The following WIPF1 variants were observed in gnomAD, a reference collection of about 807,000 sequenced individuals.
WIPF1 encodes WAS/WASL-interacting protein family member 1.
WIPF1 carries 13 observed loss-of-function variants against 35.4 expected under a neutral mutation model. That is an observed-to-expected ratio of 0.37 (90% CI 0.24 to 0.58). WIPF1 has a LOEUF of 0.58. Ranked by LOEUF, WIPF1 falls within the 20% of genes least tolerant of loss-of-function variation. WIPF1 has a pLI of 0.74. For synonymous variants in WIPF1, 267 were observed against 266.3 expected, an observed-to-expected ratio of 1.00 and a Z score of -0.02; for missense variants, 591 against 667.0, an observed-to-expected ratio of 0.89 and a Z score of 1.25.
chr2:174,635,815 A>C (rs1687171577), intron 1 of WIPF1, among the ~76,000 whole-genome samples: 1 of 152,156 alleles, frequency 6.6e-6, no homozygotes, highest in South Asian at 2.1e-4. Flanking sequence ...TGAAAATATT[A>C]CCCTATAATT....
intron 3 of WIPF1, among the ~76,000 whole-genome samples, chr2:174,577,763 C>CA (rs893457496): frequency 6.6e-6 from 1 of 152,006 alleles, no homozygotes; most frequent in African/African-American, 2.4e-5. Flanking sequence ...CCCATCTCTA[C>CA]AAAAAATGAG....
intron 1 of WIPF1, among the ~76,000 whole-genome samples, chr2:174,595,140 A>ATATATATATATATATATATATAT (rs1260140362): frequency 7.8e-6 from 1 of 128,552 alleles, no homozygotes; most frequent in Non-Finnish European, 1.6e-5. Flanking sequence ...ATATATATAT[A>ATATATATATATATATATATATAT]ATTAACTGGG....
In WIPF1 at chr2:174,625,340, C is replaced by T. The variant is rs527497399; in HGVS notation, c.-38-39729G>A. Among the ~76,000 whole-genome samples the T allele has an allele frequency of 9.2e-5, 14 of 152,320 alleles. No homozygotes were observed. In the East Asian group the frequency reaches 2.7e-3, roughly 29 times the overall value. On this transcript the variant is annotated intron_variant, in intron 1 of 8. Coordinates refer to the WIPF1 transcript ENST00000272746. ...TTCCTCAGCTTTCTGAATGAGGTCTCAGGTTTTAGGCTTATCACAAAGGAG... is the reference window on the plus strand; with the variant it reads ...TTCCTCAGCTTTCTGAATGAGGTCTTAGGTTTTAGGCTTATCACAAAGGAG...
At chr2:174,681,526 GA>G (rs1327950835) in intron 1 of WIPF1, among the ~76,000 whole-genome samples, 1 of 152,170 alleles carries the variant, frequency 6.6e-6, no homozygotes, top group Non-Finnish European at 1.5e-5. Context: ...TTTGAAGATG[GA>G]AAAATCTACC....
At chr2:174,627,312 T>C (rs1368888630) in intron 1 of WIPF1, among the ~76,000 whole-genome samples, 2 of 152,206 alleles carry the variant, frequency 1.3e-5, no homozygotes, top group African/African-American at 4.8e-5. Context: ...TAAATAAATC[T>C]GAATTAAGGG....
At position 174,567,893 on chromosome 2, in the gene WIPF1, A is replaced by G; in HGVS notation, c.1310T>C (p.Ile437Thr). The change falls in exon 6 of 8, where the codon ATT (isoleucine) becomes ACT (threonine). Residue 437 changes from isoleucine (I) to threonine (T), a missense_variant. Coordinates refer to ENST00000679041, the MANE Select transcript of WIPF1 (RefSeq NM_001375834.1). ...TGGAGAGTCTTGGAAGCCATTTCTA[A>G]TAGATGTTGATGGTGGAGGTGGGGG... ...APPPPPPSTS[I>T]RNGFQDSPCE... The G allele has an allele frequency of 6.2e-7, 1 of 1,608,450 alleles. No individual in the cohort carries two copies. Among genetic ancestry groups the G allele is most frequent in the Non-Finnish European group, 8.5e-7 (1 of 1,176,978 alleles).
chr2:174,649,929 G>A (rs903578864), intron 1 of WIPF1, among the ~76,000 whole-genome samples: 1 of 152,184 alleles, frequency 6.6e-6, no homozygotes, highest in African/African-American at 2.4e-5. Flanking sequence ...CTCCAGTCCT[G>A]ACAATAACAG....
At chr2:174,575,061 G>C (rs186927234) in intron 4 of WIPF1, 143 bp downstream of exon 4, 2 of 967,026 alleles carry the variant, frequency 2.1e-6, no homozygotes, top group Non-Finnish European at 3.3e-6. Context: ...CCTAAATTGA[G>C]TCTCTTATAA....
chr2:174,593,711 T>C (rs2105863152), intron 1 of WIPF1, among the ~76,000 whole-genome samples: 1 of 152,332 alleles, frequency 6.6e-6, no homozygotes. Flanking sequence ...TAACACAATC[T>C]TTTCACAGCT....
intron 1 of WIPF1, among the ~76,000 whole-genome samples, chr2:174,586,329 G>C (rs969569480): frequency 6.6e-6 from 1 of 152,148 alleles, no homozygotes; most frequent in African/African-American, 2.4e-5. Flanking sequence ...GGACTCCCAG[G>C]CTGTTTACCA....
At chr2:174,575,123 C>A (rs970509044) in intron 4 of WIPF1, 81 bp downstream of exon 4, 2 of 1,436,722 alleles carry the variant, frequency 1.4e-6, no homozygotes, top group African/African-American at 2.8e-5. Context: ...GGGCGAAGAG[C>A]CTTAGAGGCT....
At position 174,588,433 on chromosome 2, in the gene WIPF1, G is replaced by C. The variant is rs375061758; in HGVS notation, c.-38-2822C>G. 1.6e-4 allele frequency among the ~76,000 whole-genome samples: 24 copies of C among 152,326 alleles called. No homozygotes were observed. The South Asian group carries it at 3.3e-3, about 21-fold the overall frequency. On this transcript the variant is annotated intron_variant, in intron 1 of 7. Transcript: ENST00000679041. Reference sequence around the variant, plus strand: ...TGTCATGAGTTCGGCTCTCGTAACAGAGATCAAATTGAACTTCTGTCCTGC... The same window carrying C: ...TGTCATGAGTTCGGCTCTCGTAACACAGATCAAATTGAACTTCTGTCCTGC...
chr2:174,607,592 G>C (rs1686210985), intron 1 of WIPF1, among the ~76,000 whole-genome samples: 1 of 151,132 alleles, frequency 6.6e-6, no homozygotes, highest in African/African-American at 2.4e-5. Flanking sequence ...GGTCCTCGAG[G>C]ATTTGACACT....
chr2:174,605,169 TC>T (rs1402920431), intron 1 of WIPF1, among the ~76,000 whole-genome samples: 1 of 152,186 alleles, frequency 6.6e-6, no homozygotes, highest in African/African-American at 2.4e-5. Context: ...GCGCAGGGGC[TC>T]GCGCCTGTAA....
intron 1 of WIPF1, among the ~76,000 whole-genome samples, chr2:174,616,506 C>T (rs1686510118): frequency 7.9e-5 from 12 of 152,040 alleles, no homozygotes. Context: ...TCCAGTCTTC[C>T]TTCCACAGTG....
intron 1 of WIPF1, 128 bp downstream of exon 1, chr2:174,597,473 C>T (rs1685856411): frequency 6.6e-6 from 1 of 152,224 alleles, no homozygotes; most frequent in Admixed American, 6.5e-5. Context: ...ACAGGAATAG[C>T]TCACATGGTG....
intron 1 of WIPF1, among the ~76,000 whole-genome samples, chr2:174,597,255 G>A (rs758978041): frequency 6.6e-6 from 1 of 152,172 alleles, no homozygotes; most frequent in Non-Finnish European, 1.5e-5. Context: ...AGATTCAAAG[G>A]CAGTTGTGTG....
chr2:174,615,341 A>C (rs1466849757), intron 1 of WIPF1, among the ~76,000 whole-genome samples: 1 of 152,242 alleles, frequency 6.6e-6, no homozygotes, highest in Non-Finnish European at 1.5e-5. Context: ...GAATCACATC[A>C]GTTTTTAATG....
chr2:174,679,150 A>G (rs12693051), intron 1 of WIPF1, among the ~76,000 whole-genome samples: 130,401 of 152,114 alleles, frequency 0.86, 55,996 homozygotes, highest in Middle Eastern at 0.91. Flanking sequence ...ATCCTTTTAC[A>G]GAAGGGGTGT....
Sources: gnomAD v4.1 joint callset for allele counts (sites outside exome capture counted in the v4.1 genomes callset) on GRCh38, gnomAD v4.1.1 for gene constraint, MANE v1.5 for transcripts, NCBI Gene and HGNC (gene_info 2026-07-23, HGNC 2026-07-21) for gene names.